The following ZNF883 variants were observed in gnomAD, a reference collection of about 807,000 sequenced individuals.
The protein encoded by ZNF883 is zinc finger protein 883.
chr9:113,010,950 AC>A (rs1206989172), intron 2 of ZNF883, among the ~76,000 whole-genome samples, 190 bp downstream of exon 2: 1 of 148,012 alleles, frequency 6.8e-6, no homozygotes, highest in Non-Finnish European at 1.5e-5. Flanking sequence ...CGTGCACTGC[AC>A]TCCAGCCTGG....
chr9:112,997,106 CT>C (rs1564332141), downstream of ZNF883: 3 of 1,567,882 alleles, frequency 1.9e-6, no homozygotes, highest in Non-Finnish European at 2.6e-6. Context: ...TGACTGCAGG[CT>C]TTCCCACACT....
downstream of ZNF883, among the ~76,000 whole-genome samples, chr9:112,996,212 A>T (rs1459593180): frequency 6.6e-6 from 1 of 152,084 alleles, no homozygotes; most frequent in East Asian, 1.9e-4. Context: ...AAAATTAGGG[A>T]GGGCCTGAAT....
At chr9:112,997,124 T>A in exon 1 of ZNF883, 1 of 1,592,772 alleles carries the variant, frequency 6.3e-7, no homozygotes, top group Non-Finnish European at 8.6e-7. Context: ...CACTCATTAC[T>A]CTGCTAAGGT....
chr9:112,996,995 G>GGCAAAACACT, downstream of ZNF883: 1 of 845,834 alleles, frequency 1.2e-6, no homozygotes, highest in Non-Finnish European at 1.8e-6. Flanking sequence ...AGTACAAATA[G>GGCAAAACACT]CATATTAAGT....
At chr9:112,995,860 T>C (rs902776158), downstream of ZNF883, among the ~76,000 whole-genome samples, 1 of 152,140 alleles carries the variant, frequency 6.6e-6, no homozygotes, top group African/African-American at 2.4e-5. Flanking sequence ...ATAATCATTT[T>C]CTTACTCTTG....
chr9:113,005,087 AC>A (rs776477638), intron 2 of ZNF883, among the ~76,000 whole-genome samples: 9 of 152,218 alleles, frequency 5.9e-5, no homozygotes, highest in Non-Finnish European at 1.2e-4. Context: ...TAAAACTAGA[AC>A]TATAAAAGAG....
upstream of ZNF883, among the ~76,000 whole-genome samples, chr9:113,000,895 A>G (rs1369162114): frequency 1.3e-5 from 2 of 152,166 alleles, no homozygotes; most frequent in African/African-American, 4.8e-5. Flanking sequence ...ATCAGAATGC[A>G]CTAATTTTTT....
At chr9:112,997,042 A>G, downstream of ZNF883, 9 of 1,386,720 alleles carry the variant, frequency 6.5e-6, no homozygotes, top group Non-Finnish European at 8.6e-6. Flanking sequence ...CTCACATAAC[A>G]ATCCTAGGGT....
At chr9:112,991,135 C>T (rs1828297918) in intron 1 of ZNF883, among the ~76,000 whole-genome samples, 2 of 151,870 alleles carry the variant, frequency 1.3e-5, no homozygotes, top group South Asian at 4.2e-4. Flanking sequence ...CTTCTGCTAG[C>T]TTTGGGTTTG....
intron 2 of ZNF883, among the ~76,000 whole-genome samples, chr9:113,005,568 A>C (rs1828466707): frequency 6.6e-6 from 1 of 152,150 alleles, no homozygotes; most frequent in Non-Finnish European, 1.5e-5. Context: ...GAAAAGGTTT[A>C]TTTATTTGTA....
At chr9:112,994,044 T>A (rs1828326194), downstream of ZNF883, among the ~76,000 whole-genome samples, 1 of 151,980 alleles carries the variant, frequency 6.6e-6, no homozygotes, top group African/African-American at 2.4e-5. Flanking sequence ...TTAGGCAGTC[T>A]CCAGCCTAGT....
chr9:112,999,310 G>A (rs530504083), upstream of ZNF883, among the ~76,000 whole-genome samples: 1 of 152,270 alleles, frequency 6.6e-6, no homozygotes, highest in African/African-American at 2.4e-5. Context: ...CAACATTTCT[G>A]ACAAATTGTA....
intron 1 of ZNF883, among the ~76,000 whole-genome samples, chr9:112,990,710 G>A (rs577354956): frequency 7.9e-5 from 12 of 152,238 alleles, no homozygotes; most frequent in South Asian, 2.1e-4. Context: ...CTTTGTACCC[G>A]TGGTAGAATT....
downstream of ZNF883, chr9:112,997,091 A>G: frequency 6.5e-7 from 1 of 1,542,496 alleles, no homozygotes; most frequent in Non-Finnish European, 8.7e-7. Context: ...ACAATAACCT[A>G]CGACTGACTG....
intron 2 of ZNF883, among the ~76,000 whole-genome samples, chr9:113,005,541 C>G (rs2118623573): frequency 6.6e-6 from 1 of 152,264 alleles, no homozygotes; most frequent in East Asian, 1.9e-4. Context: ...AATGGCTGCT[C>G]TCATATACTC....
chr9:112,994,919 G>A (rs1018835186), downstream of ZNF883, among the ~76,000 whole-genome samples: 1 of 151,908 alleles, frequency 6.6e-6, no homozygotes, highest in Non-Finnish European at 1.5e-5. Context: ...ACTAATAATG[G>A]TGGCATCAAA....
chr9:112,997,577 T>TGGA (rs771959317), exon 1 of ZNF883: 1,089 of 1,614,178 alleles, frequency 6.7e-4, no homozygotes, highest in Non-Finnish European at 8.8e-4. Context: ...ATGAATTCTT[T>TGGA]GATGTTGAAT....
chr9:112,992,017 G>A (rs750485424), intron 1 of ZNF883, among the ~76,000 whole-genome samples: 3 of 152,114 alleles, frequency 2.0e-5, no homozygotes, highest in African/African-American at 4.8e-5. Flanking sequence ...ACACTGATAG[G>A]TCTTGACTCT....
At position 112,997,599 on chromosome 9, in the gene ZNF883, T is replaced by G. The variant is rs76862287; in HGVS notation, n.661A>C. The G allele has an allele frequency of 1.8e-3, 2,917 of 1,614,078 alleles. 43 individuals carry two copies. The African/African-American group carries it at 0.034, about 19-fold the overall frequency. On this transcript the variant is annotated non_coding_transcript_exon_variant, in exon 1 of 1. Coordinates refer to ENST00000639662, the Ensembl canonical transcript of ZNF883. The stretch of plus-strand genomic sequence containing the variant: ...CTTTGATGTTGAATGAAGGCTGGGG[T>G]ATGGCTGAAAGCTTTCCCACATTCA...
Sources: gnomAD v4.1 joint callset for allele counts (sites outside exome capture counted in the v4.1 genomes callset) on GRCh38, gnomAD v4.1.1 for gene constraint, MANE v1.5 for transcripts, NCBI Gene and HGNC (gene_info 2026-07-23, HGNC 2026-07-21) for gene names.